The following THRB variants were observed in gnomAD, a reference collection of about 807,000 sequenced individuals.
THRB encodes the protein thyroid hormone receptor beta, also known as nuclear receptor subfamily 1 group A member 2.
A neutral mutation model predicts 47.8 loss-of-function variants in THRB; 12 were observed. That is an observed-to-expected ratio of 0.25 (90% CI 0.16 to 0.41). THRB has a LOEUF of 0.41. Ranked by LOEUF, THRB falls within the 10% of genes least tolerant of loss-of-function variation. The pLI is 1.00. For missense variants in THRB, 348 were observed against 589.2 expected, an observed-to-expected ratio of 0.59 and a Z score of 4.24; for synonymous variants, 218 against 212.2, an observed-to-expected ratio of 1.03 and a Z score of -0.24.
At chr3:24,471,674 G>T (rs1056466921) in intron 1 of THRB, among the ~76,000 whole-genome samples, 5 of 152,080 alleles carry the variant, frequency 3.3e-5, no homozygotes, top group Non-Finnish European at 1.5e-5. Flanking sequence ...GAGGACTGAG[G>T]CAGAGAGCCA....
At chr3:24,477,231 A>T (rs1292252641) in intron 1 of THRB, among the ~76,000 whole-genome samples, 3 of 152,084 alleles carry the variant, frequency 2.0e-5, no homozygotes, top group Non-Finnish European at 4.4e-5. Context: ...TTATTATGTT[A>T]ATTCAAGGCC....
chr3:24,452,397 T>C (rs993634919), intron 1 of THRB, among the ~76,000 whole-genome samples: 2 of 152,060 alleles, frequency 1.3e-5, no homozygotes, highest in Non-Finnish European at 2.9e-5. Flanking sequence ...TCCAACATTT[T>C]CACATAAAAA....
In THRB at chr3:24,328,456, C is replaced by T. The variant is rs568449099; in HGVS notation, c.-189+8844G>A. ...CAAACTCCAAATGTCCAAACCCAAA[C>T]TCACCTTCTCCAGTCCCTATTCCGG... On this transcript the variant is annotated intron_variant, in intron 2 of 10. Transcript: ENST00000646209. 1.2e-4 allele frequency among the ~76,000 whole-genome samples: 19 copies of T among 152,262 alleles called. No individual in the cohort carries two copies. In the South Asian group the frequency reaches 3.7e-3, roughly 30 times the overall value.
chr3:24,342,965 C>G (rs1423759526), intron 1 of THRB, among the ~76,000 whole-genome samples: 2 of 152,102 alleles, frequency 1.3e-5, no homozygotes, highest in South Asian at 4.1e-4. Flanking sequence ...GCTGCAAAGG[C>G]AGAAACAGTG....
chr3:24,437,168 G>A (rs908921217), intron 1 of THRB, among the ~76,000 whole-genome samples: 11 of 147,468 alleles, frequency 7.5e-5, no homozygotes, highest in South Asian at 2.1e-4. Context: ...TATATATAAC[G>A]AAATGTATAT....
chr3:24,268,086 T>C (rs368746757), intron 3 of THRB, among the ~76,000 whole-genome samples: 2 of 152,096 alleles, frequency 1.3e-5, no homozygotes, highest in Non-Finnish European at 2.9e-5. Context: ...ATGAGACAAA[T>C]ATCTACAAAA....
rs1301526117 is a variant in THRB, at chr3:24,119,251, C to T, written c.*3633G>A. The T allele has an allele frequency of 6.6e-6, 1 of 152,148 alleles. No individual in the cohort carries two copies. The highest frequency in any genetic ancestry group is 1.9e-4 in the East Asian group (1 of 5,196). 9.4% of individuals were successfully genotyped at this position (152,148 alleles called of 1,614,324 possible). On this transcript the variant is annotated 3_prime_UTR_variant, in exon 11 of 11. Transcript: ENST00000646209. ...TTATTTTAGAACCTGATGCCATAGC[C>T]GTTGGAAAGGGCAAAGAGATTCAAA...
At chr3:24,255,664 A>G (rs1294512466) in intron 3 of THRB, among the ~76,000 whole-genome samples, 8 of 152,098 alleles carry the variant, frequency 5.3e-5, no homozygotes, top group Non-Finnish European at 2.9e-5. Flanking sequence ...TTTCATGGAG[A>G]AGGGAGGGAC....
intron 1 of THRB, among the ~76,000 whole-genome samples, chr3:24,445,131 T>C (rs2071941994): frequency 6.6e-6 from 1 of 152,096 alleles, no homozygotes; most frequent in Non-Finnish European, 1.5e-5. Context: ...AAAAGATAGA[T>C]TTAATCAAAA....
intron 2 of THRB, among the ~76,000 whole-genome samples, chr3:24,334,107 A>G (rs2062090878): frequency 6.6e-6 from 1 of 152,228 alleles, no homozygotes. Context: ...ATACAATAAC[A>G]AAATTCAAAT....
At chr3:24,339,092 C>T (rs948170043) in intron 1 of THRB, among the ~76,000 whole-genome samples, 1 of 152,050 alleles carries the variant, frequency 6.6e-6, no homozygotes, top group Non-Finnish European at 1.5e-5. Context: ...ACATATACAC[C>T]ATTACCCCTG....
chr3:24,423,953 T>C (rs1027010781), intron 1 of THRB, among the ~76,000 whole-genome samples: 1 of 151,912 alleles, frequency 6.6e-6, no homozygotes, highest in Admixed American at 6.6e-5. Flanking sequence ...ATATTAAGCA[T>C]GTCAATGGAG....
At chr3:24,238,466 T>C (rs2049145430) in intron 3 of THRB, among the ~76,000 whole-genome samples, 1 of 151,934 alleles carries the variant, frequency 6.6e-6, no homozygotes, top group Admixed American at 6.6e-5. Flanking sequence ...AATGTGAAAA[T>C]AAAACATTAA....
At chr3:24,365,899 G>A (rs1481217552) in intron 1 of THRB, among the ~76,000 whole-genome samples, 2 of 151,994 alleles carry the variant, frequency 1.3e-5, no homozygotes, top group East Asian at 3.9e-4. Flanking sequence ...TATTGTCAAA[G>A]CAATGTAAAA....
intron 3 of THRB, among the ~76,000 whole-genome samples, chr3:24,248,128 G>A (rs1331829901): frequency 1.3e-5 from 2 of 152,002 alleles, no homozygotes; most frequent in African/African-American, 4.8e-5. Flanking sequence ...TTAATAATCA[G>A]TGCTCCATTT....
chr3:24,489,986 T>C (rs1560317278), intron 1 of THRB, among the ~76,000 whole-genome samples: 1 of 152,158 alleles, frequency 6.6e-6, no homozygotes, highest in Non-Finnish European at 1.5e-5. Flanking sequence ...TACATTAATA[T>C]ACATGGGCTA....
chr3:24,305,121 A>G (rs1008993352), intron 2 of THRB, among the ~76,000 whole-genome samples: 1 of 152,136 alleles, frequency 6.6e-6, no homozygotes, highest in Non-Finnish European at 1.5e-5. Flanking sequence ...AAAAGACGAA[A>G]ACCTCCTGAG....
At chr3:24,166,195 A>G (rs994492862) in intron 5 of THRB, among the ~76,000 whole-genome samples, 2 of 152,202 alleles carry the variant, frequency 1.3e-5, no homozygotes, top group Non-Finnish European at 2.9e-5. Context: ...ACTAATCTAC[A>G]TGAGACCTAA....
chr3:24,262,511 C>G (rs1005613864), intron 3 of THRB, among the ~76,000 whole-genome samples: 3 of 152,176 alleles, frequency 2.0e-5, no homozygotes, highest in Non-Finnish European at 4.4e-5. Flanking sequence ...AGCTGTTGTT[C>G]CTCACTCACT....
Sources: gnomAD v4.1 joint callset for allele counts (sites outside exome capture counted in the v4.1 genomes callset) on GRCh38, gnomAD v4.1.1 for gene constraint, MANE v1.5 for transcripts, NCBI Gene and HGNC (gene_info 2026-07-23, HGNC 2026-07-21) for gene names.